Variants in C14orf132 observed in about 807,000 individuals in gnomAD.
C14orf132 encodes the protein chromosome 14 open reading frame 132.
C14orf132 carries 6 observed loss-of-function variants against 5.8 expected under a neutral mutation model. The observed-to-expected ratio is 1.03, with a 90% CI of 0.57 to 2.04. C14orf132 has a LOEUF of 2.04. Among genes scored for constraint, C14orf132 ranks in the 30% most tolerant of loss-of-function variants. The probability of loss-of-function intolerance (pLI) is 0.00; values close to 1 mark genes in which losing one functional copy is unlikely to be tolerated. For missense variants in C14orf132, 125 were observed against 115.8 expected, an observed-to-expected ratio of 1.08 and a Z score of -0.37; for synonymous variants, 51 against 49.8, an observed-to-expected ratio of 1.02 and a Z score of -0.10.
chr14:96,073,883 T>G (rs1340526134), intron 1 of C14orf132, among the ~76,000 whole-genome samples: 1 of 152,326 alleles, frequency 6.6e-6, no homozygotes, highest in East Asian at 1.9e-4. Context: ...TCATGTCCTT[T>G]GCAGGGACAT....
At chr14:96,043,589 T>C (rs1886752863) in intron 1 of C14orf132, among the ~76,000 whole-genome samples, 1 of 152,184 alleles carries the variant, frequency 6.6e-6, no homozygotes. Context: ...TCACCTCCGA[T>C]ACTCCCATCA....
intron 1 of C14orf132, among the ~76,000 whole-genome samples, chr14:96,056,439 T>C (rs375964278): frequency 3.2e-4 from 48 of 152,298 alleles, no homozygotes; most frequent in East Asian, 1.5e-3. Flanking sequence ...TGGGCTCCGC[T>C]GAGGAACTCA....
chr14:96,083,449 G>A (rs1316892681), intron 1 of C14orf132, among the ~76,000 whole-genome samples: 1 of 152,202 alleles, frequency 6.6e-6, no homozygotes, highest in East Asian at 1.9e-4. Flanking sequence ...GGACTTTGCA[G>A]GTGTGATTAA....
At chr14:96,058,988 G>A (rs912832930) in intron 1 of C14orf132, among the ~76,000 whole-genome samples, 5 of 152,208 alleles carry the variant, frequency 3.3e-5, no homozygotes, top group Non-Finnish European at 4.4e-5. Context: ...CAGGCTGGGC[G>A]CAGTGGCTCA....
chr14:96,081,249 C>G (rs899346807), intron 1 of C14orf132, among the ~76,000 whole-genome samples: 3 of 152,180 alleles, frequency 2.0e-5, no homozygotes, highest in African/African-American at 4.8e-5. Context: ...TTGTGACTTG[C>G]CTTTTCCCCT....
intron 1 of C14orf132, among the ~76,000 whole-genome samples, chr14:96,043,940 G>A (rs1243663990): frequency 1.3e-5 from 2 of 152,210 alleles, no homozygotes; most frequent in African/African-American, 4.8e-5. Flanking sequence ...GTTGAGGTGG[G>A]TGCCTTTATT....
At chr14:96,067,698 TAAA>T (rs751845099) in intron 1 of C14orf132, among the ~76,000 whole-genome samples, 1 of 136,046 alleles carries the variant, frequency 7.4e-6, no homozygotes, top group Non-Finnish European at 1.6e-5. Context: ...AAACTCCGCC[TAAA>T]AAAAAAAAAA....
chr14:96,079,627 G>T (rs1887972987), intron 1 of C14orf132, among the ~76,000 whole-genome samples: 1 of 152,126 alleles, frequency 6.6e-6, no homozygotes, highest in Non-Finnish European at 1.5e-5. Context: ...ATGAAAGGAT[G>T]GATGGATGGT....
At chr14:96,049,577 TAC>T (rs1566823739) in intron 1 of C14orf132, among the ~76,000 whole-genome samples, 12 of 127,140 alleles carry the variant, frequency 9.4e-5, no homozygotes, top group African/African-American at 2.7e-4. Flanking sequence ...TATACATATA[TAC>T]GTATATATAT....
intron 1 of C14orf132, among the ~76,000 whole-genome samples, chr14:96,046,302 C>A (rs1303452331): frequency 2.0e-5 from 3 of 152,170 alleles, no homozygotes; most frequent in Non-Finnish European, 4.4e-5. Context: ...GGACTGGCTA[C>A]TACTTGAACC....
chr14:96,086,464 C>T lies in C14orf132; in HGVS notation c.28-47C>T, dbSNP rs1290533784. ...ACTTCCCTTTTGCAGGGTACATCTGCCCAAGCCCCCATGGCCCTGGATAAT... is the reference window on the plus strand; with the variant it reads ...ACTTCCCTTTTGCAGGGTACATCTGTCCAAGCCCCCATGGCCCTGGATAAT... On this transcript the variant is annotated intron_variant, in intron 1 of 1. Transcript: ENST00000555004. 5 of 1,506,330 alleles carry T rather than the reference C, an allele frequency of 3.3e-6. No individual in the cohort carries two copies. The Admixed American group carries it at 9.8e-5, about 30-fold the overall frequency. The allele number at this position is 1,506,330 out of a possible 1,614,324, so 93.3% of individuals were successfully genotyped here.
At chr14:96,083,686 A>C (rs1888095502) in intron 1 of C14orf132, among the ~76,000 whole-genome samples, 1 of 152,218 alleles carries the variant, frequency 6.6e-6, no homozygotes, top group Middle Eastern at 3.2e-3. Context: ...TGTCCCCTAG[A>C]GCCTCCAGAA....
intron 1 of C14orf132, among the ~76,000 whole-genome samples, chr14:96,081,742 G>T (rs988474358): frequency 6.6e-6 from 1 of 152,024 alleles, no homozygotes; most frequent in Non-Finnish European, 1.5e-5. Flanking sequence ...GGGACCACAA[G>T]TGTGCACCAC....
intron 1 of C14orf132, among the ~76,000 whole-genome samples, chr14:96,054,616 A>G (rs534603291): frequency 6.6e-5 from 10 of 152,332 alleles, no homozygotes; most frequent in African/African-American, 2.2e-4. Flanking sequence ...CAAACTGTGC[A>G]GGGCAGCATG....
At chr14:96,047,888 A>G (rs1400436811) in intron 1 of C14orf132, among the ~76,000 whole-genome samples, 2 of 152,146 alleles carry the variant, frequency 1.3e-5, no homozygotes, top group Non-Finnish European at 2.9e-5. Context: ...ACGTCGACAC[A>G]TCAGAATCCT....
intron 1 of C14orf132, among the ~76,000 whole-genome samples, chr14:96,073,606 G>A (rs574637223): frequency 5.3e-4 from 80 of 152,260 alleles, no homozygotes; most frequent in African/African-American, 1.3e-3. Flanking sequence ...TAGCTCAACC[G>A]TTTTGGAAGA....
intron 1 of C14orf132, among the ~76,000 whole-genome samples, chr14:96,044,671 T>C (rs575528303): frequency 1.3e-5 from 2 of 152,240 alleles, no homozygotes; most frequent in South Asian, 4.2e-4. Context: ...GGGGGTGGAA[T>C]CTGTTCCAGG....
chr14:96,085,520 A>G (rs1259420882), intron 1 of C14orf132, among the ~76,000 whole-genome samples: 4 of 152,248 alleles, frequency 2.6e-5, no homozygotes, highest in Non-Finnish European at 4.4e-5. Flanking sequence ...TGAGCAGCAG[A>G]GAACCTTTAA....
intron 1 of C14orf132, among the ~76,000 whole-genome samples, chr14:96,071,925 G>A (rs79437067): frequency 0.03 from 4,578 of 152,320 alleles, 224 homozygotes; most frequent in African/African-American, 0.1. Context: ...CAGTTCTGGG[G>A]CATGCCTGGG....
Sources: gnomAD v4.1 joint callset for allele counts (sites outside exome capture counted in the v4.1 genomes callset) on GRCh38, gnomAD v4.1.1 for gene constraint, MANE v1.5 for transcripts, NCBI Gene and HGNC (gene_info 2026-07-23, HGNC 2026-07-21) for gene names.